The following ARHGAP26 variants were observed in gnomAD, a reference collection of about 807,000 sequenced individuals.
ARHGAP26 encodes Rho GTPase activating protein 26.
A neutral mutation model predicts 104.8 loss-of-function variants in ARHGAP26; 38 were observed. The observed-to-expected ratio is 0.36, with a 90% CI of 0.28 to 0.48. The LOEUF is 0.48. Ranked by LOEUF, ARHGAP26 falls within the 20% of genes least tolerant of loss-of-function variation. The probability of loss-of-function intolerance (pLI) is 0.99; values close to 1 mark genes in which losing one functional copy is unlikely to be tolerated. For missense variants in ARHGAP26, 704 were observed against 947.9 expected (o/e 0.74, Z 3.38); for synonymous variants, 341 against 340.0 (o/e 1.00, Z -0.03).
Position 143,182,201 on chromosome 5 carries a change from A to G in ARHGAP26, c.1989-24997A>G, listed in dbSNP as rs183531970. On this transcript the variant is annotated intron_variant, in intron 20 of 22. Coordinates refer to ENST00000645722, the MANE Select transcript of ARHGAP26 (RefSeq NM_001135608.3). ...GTTGACAACTCTTACTACTCTTACT[A>G]CTGTTAACTCATCTCAGCTACTATT... Among the ~76,000 whole-genome samples the G allele has an allele frequency of 8.6e-5, 13 of 151,180 alleles. 1 individual carries two copies. The highest frequency in any genetic ancestry group is 3.2e-4 in the African/African-American group (13 of 40,516).
intron 1 of ARHGAP26, among the ~76,000 whole-genome samples, chr5:142,830,130 G>T (rs768975380): frequency 2.6e-5 from 4 of 152,200 alleles, no homozygotes; most frequent in Non-Finnish European, 5.9e-5. Flanking sequence ...AGCACGTGGG[G>T]ATGTTATTCA....
chr5:142,829,231 A>G (rs531164730), intron 1 of ARHGAP26, among the ~76,000 whole-genome samples: 5 of 152,320 alleles, frequency 3.3e-5, no homozygotes, highest in African/African-American at 4.8e-5. Flanking sequence ...GCAGGACCCA[A>G]CCAGGTTGAC....
intron 17 of ARHGAP26, among the ~76,000 whole-genome samples, chr5:143,071,980 A>G (rs1013895204): frequency 6.6e-6 from 1 of 152,204 alleles, no homozygotes; most frequent in Admixed American, 6.5e-5. Context: ...AAAGAAAACA[A>G]TAGAATGAAA....
chr5:142,903,740 A>C (rs1017326773), intron 8 of ARHGAP26, 71 bp downstream of exon 8: 2 of 1,520,842 alleles, frequency 1.3e-6, no homozygotes, highest in Non-Finnish European at 1.8e-6. Context: ...GGATGTATTC[A>C]GCAGTGCCTA....
chr5:142,848,780 A>G (rs892171042), intron 1 of ARHGAP26, among the ~76,000 whole-genome samples: 1 of 152,192 alleles, frequency 6.6e-6, no homozygotes, highest in African/African-American at 2.4e-5. Flanking sequence ...GAAGTTCCTT[A>G]AGACAGGGGC....
At chr5:142,844,564 C>T (rs941859645) in intron 1 of ARHGAP26, among the ~76,000 whole-genome samples, 30 of 152,078 alleles carry the variant, frequency 2.0e-4, no homozygotes, top group Admixed American at 5.9e-4. Flanking sequence ...TTGAGAACTC[C>T]AGAATAAGAA....
At chr5:143,033,356 AAGTAATTGTAGT>A (rs1363309076) in intron 12 of ARHGAP26, among the ~76,000 whole-genome samples, 2 of 152,200 alleles carry the variant, frequency 1.3e-5, no homozygotes, top group African/African-American at 2.4e-5. Flanking sequence ...TTACCAAAAG[AAGTAATTGTAGT>A]AGTGGGTAAA....
chr5:143,055,240 G>A (rs535474315), intron 15 of ARHGAP26, among the ~76,000 whole-genome samples: 1 of 152,284 alleles, frequency 6.6e-6, no homozygotes, highest in African/African-American at 2.4e-5. Context: ...AATAGCATAA[G>A]TCTCTGTGCA....
At chr5:143,115,564 G>A (rs115011009) in intron 17 of ARHGAP26, among the ~76,000 whole-genome samples, 75 of 151,994 alleles carry the variant, frequency 4.9e-4, no homozygotes, top group African/African-American at 1.6e-3. Context: ...GATACCAAGC[G>A]AAACTACCAA....
chr5:143,031,959 A>G (rs1169846366), intron 12 of ARHGAP26, among the ~76,000 whole-genome samples: 1 of 152,172 alleles, frequency 6.6e-6, no homozygotes, highest in Non-Finnish European at 1.5e-5. Context: ...TATCCTAGGC[A>G]TGATAGCCCA....
At chr5:142,936,515 A>T (rs921120825) in intron 11 of ARHGAP26, among the ~76,000 whole-genome samples, 1 of 152,222 alleles carries the variant, frequency 6.6e-6, no homozygotes. Flanking sequence ...ATAGATACAG[A>T]CAAGCTTGTT....
intron 11 of ARHGAP26, among the ~76,000 whole-genome samples, chr5:142,974,848 C>T (rs1005943577): frequency 2.0e-5 from 3 of 152,132 alleles, no homozygotes; most frequent in East Asian, 1.9e-4. Context: ...TCCCTCAGGC[C>T]GTGTTATTTT....
chr5:143,070,430 C>T (rs528990918), intron 17 of ARHGAP26, among the ~76,000 whole-genome samples: 30 of 152,256 alleles, frequency 2.0e-4, no homozygotes, highest in Admixed American at 8.5e-4. Flanking sequence ...CACATACCTA[C>T]GCATAAATTT....
intron 1 of ARHGAP26, among the ~76,000 whole-genome samples, chr5:142,777,866 T>C (rs1756668833): frequency 2.0e-5 from 3 of 152,166 alleles, no homozygotes; most frequent in Admixed American, 1.3e-4. Flanking sequence ...TAGAAAGGAC[T>C]TAGAGTTTTA....
At chr5:142,858,092 T>TGTGTGAGA (rs1561963200) in intron 1 of ARHGAP26, among the ~76,000 whole-genome samples, 20 of 137,506 alleles carry the variant, frequency 1.5e-4, no homozygotes. Flanking sequence ...TGTGTGTGTG[T>TGTGTGAGA]GTGAGAGAGA....
intron 17 of ARHGAP26, among the ~76,000 whole-genome samples, chr5:143,090,344 T>C (rs981302930): frequency 6.6e-6 from 1 of 152,262 alleles, no homozygotes; most frequent in Non-Finnish European, 1.5e-5. Context: ...TGCTTTTGTT[T>C]AACGTGTGAA....
Position 143,121,166 on chromosome 5 carries a change from C to A in ARHGAP26, c.1698+19C>A. ...CGAAAAGGTAATATGTAATTGATCA[C>A]TTGCAGTGAAGAATGTACCTGGGGG... On this transcript the variant is annotated intron_variant, in intron 18 of 22. Transcript: ENST00000645722. 1 of 1,606,850 alleles carries A rather than the reference C, an allele frequency of 6.2e-7. No individual in the cohort carries two copies. Among genetic ancestry groups the A allele is most frequent in the Non-Finnish European group, 8.5e-7 (1 of 1,175,204 alleles).
chr5:143,199,411 G>A (rs991429721), intron 20 of ARHGAP26, among the ~76,000 whole-genome samples: 3 of 152,188 alleles, frequency 2.0e-5, no homozygotes, highest in Admixed American at 6.5e-5. Context: ...ATTTACCACT[G>A]TTCCTTTTGG....
chr5:142,973,072 T>C (rs1249572693), intron 11 of ARHGAP26, among the ~76,000 whole-genome samples: 1 of 152,178 alleles, frequency 6.6e-6, no homozygotes, highest in Non-Finnish European at 1.5e-5. Flanking sequence ...AGATTGGTAA[T>C]TCCCCCTAGT....
Sources: allele counts gnomAD v4.1 joint callset (sites outside exome capture counted in the v4.1 genomes callset), GRCh38; gene constraint gnomAD v4.1.1; transcripts MANE v1.5; gene names NCBI Gene and HGNC (gene_info 2026-07-23, HGNC 2026-07-21).